NEGR1: variants seen among roughly 807,000 people sequenced by gnomAD.
NEGR1 encodes neuronal growth regulator 1.
A neutral mutation model predicts 40.9 loss-of-function variants in NEGR1; 10 were observed. The observed-to-expected ratio is 0.24, with a 90% CI of 0.15 to 0.42. The LOEUF (loss-of-function observed/expected upper bound fraction) is 0.42. NEGR1 is among the 10% of genes least tolerant of loss of function. The pLI, the probability that NEGR1 is intolerant of heterozygous loss-of-function variation, is 1.00. For synonymous variants in NEGR1, 185 were observed against 166.8 expected (o/e 1.11, Z -0.84); for missense variants, 352 against 438.9 (o/e 0.80, Z 1.77).
intron 1 of NEGR1, among the ~76,000 whole-genome samples, chr1:72,088,798 T>C (rs2494385): frequency 0.16 from 571 of 3,680 alleles, 2 homozygotes; most frequent in African/African-American, 0.23. Context: ...CTCTCTCTCT[T>C]TTTTTTTTTT....
chr1:72,275,601 A>G (rs950249452), intron 1 of NEGR1, among the ~76,000 whole-genome samples: 1 of 152,116 alleles, frequency 6.6e-6, no homozygotes, highest in Non-Finnish European at 1.5e-5. Context: ...TTCCTTCCAA[A>G]TTCAGAAATC....
chr1:71,876,775 A>T (rs1031918630), intron 2 of NEGR1, among the ~76,000 whole-genome samples: 1 of 152,118 alleles, frequency 6.6e-6, no homozygotes, highest in African/African-American at 2.4e-5. Context: ...TTTTTATATT[A>T]TGATCCCATA....
Position 72,246,440 on chromosome 1 carries a change from G to C in NEGR1, c.176+35879C>G, listed in dbSNP as rs12062510. Among the ~76,000 whole-genome samples, 559 of 152,192 alleles carry C rather than the reference G, an allele frequency of 3.7e-3. 3 individuals carry two copies. The highest frequency in any genetic ancestry group is 0.013 in the African/African-American group (546 of 41,516). ...ATCATGCTAGTTTTTATGCCTCCAT[G>C]CCATGCATCCACTTTAGAATTCCTT... is the stretch of plus-strand genomic sequence containing the variant. On this transcript the variant is annotated intron_variant, in intron 1 of 6. Coordinates refer to ENST00000357731, the MANE Select transcript of NEGR1 (RefSeq NM_173808.3).
intron 1 of NEGR1, among the ~76,000 whole-genome samples, chr1:72,225,853 G>C (rs938063579): frequency 6.6e-6 from 1 of 151,574 alleles, no homozygotes; most frequent in African/African-American, 2.4e-5. Context: ...AATTACGTTT[G>C]GTACAAATCT....
At chr1:72,246,924 A>T (rs2126077) in intron 1 of NEGR1, among the ~76,000 whole-genome samples, 52,709 of 152,232 alleles carry the variant, frequency 0.35, 10,468 homozygotes, top group Non-Finnish European at 0.46. Flanking sequence ...GCACACATAC[A>T]GGGTTAACAT....
intron 1 of NEGR1, among the ~76,000 whole-genome samples, chr1:72,055,570 T>G (rs1250063948): frequency 5.3e-5 from 8 of 151,026 alleles, no homozygotes; most frequent in Non-Finnish European, 8.9e-5. Flanking sequence ...TCCTTGATTT[T>G]AACATTTAGA....
intron 1 of NEGR1, among the ~76,000 whole-genome samples, chr1:72,006,749 T>TA (rs1204886732): frequency 9.2e-5 from 14 of 151,926 alleles, no homozygotes; most frequent in Non-Finnish European, 1.8e-4. Flanking sequence ...TCTCATGACT[T>TA]ACTGCAGGAA....
intron 2 of NEGR1, among the ~76,000 whole-genome samples, chr1:71,819,156 T>C (rs1658332198): frequency 6.6e-6 from 1 of 151,978 alleles, no homozygotes; most frequent in South Asian, 2.1e-4. Context: ...AACAGCTTAT[T>C]ATCTTCTCAT....
chr1:71,981,604 G>A (rs1464885128), intron 1 of NEGR1, among the ~76,000 whole-genome samples: 1 of 152,140 alleles, frequency 6.6e-6, no homozygotes, highest in African/African-American at 2.4e-5. Flanking sequence ...GAACAACAGA[G>A]GAGAAAGATT....
At chr1:71,688,331 T>TATAG (rs1348561826) in intron 4 of NEGR1, among the ~76,000 whole-genome samples, 3 of 85,872 alleles carry the variant, frequency 3.5e-5, no homozygotes, top group Non-Finnish European at 4.7e-5. Flanking sequence ...TATATATAGA[T>TATAG]AGATAGATAG....
At chr1:72,280,375 G>A (rs1243734300) in intron 1 of NEGR1, among the ~76,000 whole-genome samples, 2 of 152,178 alleles carry the variant, frequency 1.3e-5, no homozygotes, top group African/African-American at 4.8e-5. Flanking sequence ...CCTTTAGGGT[G>A]GAAATGGTAA....
At chr1:71,869,091 T>C (rs1660203093) in intron 2 of NEGR1, among the ~76,000 whole-genome samples, 1 of 152,192 alleles carries the variant, frequency 6.6e-6, no homozygotes, top group Non-Finnish European at 1.5e-5. Context: ...ATCTGCATCT[T>C]TTACCTGTTT....
At chr1:72,231,495 T>A (rs11209938) in intron 1 of NEGR1, among the ~76,000 whole-genome samples, 22 of 152,166 alleles carry the variant, frequency 1.4e-4, no homozygotes, top group African/African-American at 5.3e-4. Flanking sequence ...GAATATTAGA[T>A]AAGTTAATGT....
At position 72,202,114 on chromosome 1, in the gene NEGR1, C is replaced by A. The variant is rs572105567; in HGVS notation, c.176+80205G>T. Among the ~76,000 whole-genome samples the A allele has an allele frequency of 2.0e-5, 3 of 151,912 alleles. No homozygotes were observed. The South Asian group carries it at 6.2e-4, about 31-fold the overall frequency. ...TCAAACATTTTAATTATCATTATAT[C>A]TGTTACAGTAATCTGTAATTAGTGA... On this transcript the variant is annotated intron_variant, in intron 1 of 6. Coordinates refer to ENST00000357731, the MANE Select transcript of NEGR1 (RefSeq NM_173808.3).
At chr1:72,036,898 A>C (rs959270691) in intron 1 of NEGR1, among the ~76,000 whole-genome samples, 3 of 152,110 alleles carry the variant, frequency 2.0e-5, no homozygotes, top group Non-Finnish European at 4.4e-5. Context: ...TATCAGTGTA[A>C]AATGTGTGGC....
intron 6 of NEGR1, among the ~76,000 whole-genome samples, chr1:71,450,270 T>G (rs1309040543): frequency 6.6e-6 from 1 of 151,942 alleles, no homozygotes; most frequent in Non-Finnish European, 1.5e-5. Context: ...ATTACAGGTG[T>G]GAGCCACCAC....
chr1:71,746,695 A>T (rs1655394386), intron 3 of NEGR1, among the ~76,000 whole-genome samples: 1 of 151,888 alleles, frequency 6.6e-6, no homozygotes. Flanking sequence ...TTACTTGAAA[A>T]GAATATTTAT....
chr1:72,011,626 G>C (rs1197692686), intron 1 of NEGR1, among the ~76,000 whole-genome samples: 3 of 152,096 alleles, frequency 2.0e-5, no homozygotes, highest in African/African-American at 7.2e-5. Context: ...GGAACAAAAA[G>C]GCACTCAAAC....
At chr1:71,817,994 T>C (rs1332697692) in intron 2 of NEGR1, among the ~76,000 whole-genome samples, 2 of 151,866 alleles carry the variant, frequency 1.3e-5, no homozygotes, top group African/African-American at 4.8e-5. Context: ...TGAGATACCA[T>C]CTCACACCAG....
Sources: allele counts gnomAD v4.1 joint callset (sites outside exome capture counted in the v4.1 genomes callset), GRCh38; gene constraint gnomAD v4.1.1; transcripts MANE v1.5; gene names NCBI Gene and HGNC (gene_info 2026-07-23, HGNC 2026-07-21).